SNX29: variants seen among roughly 807,000 people sequenced by gnomAD.
SNX29 encodes the protein sorting nexin 29.
In SNX29, 78 loss-of-function variants were observed where a neutral mutation model predicts 102.1. The ratio of observed to expected loss-of-function variants is 0.76; its 90% CI spans 0.64 to 0.92. The LOEUF (loss-of-function observed/expected upper bound fraction) is 0.92. SNX29 is among the 40% of genes least tolerant of loss of function. SNX29 has a pLI of 0.00. For synonymous variants in SNX29, 580 were observed against 414.5 expected (o/e 1.40, Z -4.85); for missense variants, 1,280 against 1,061.7 (o/e 1.21, Z -2.86).
At chr16:12,400,601 C>G (rs903234214) in intron 17 of SNX29, among the ~76,000 whole-genome samples, 2 of 152,230 alleles carry the variant, frequency 1.3e-5, no homozygotes, top group East Asian at 3.8e-4. Context: ...GAAGCCTTCT[C>G]TGGTGTCCCA....
chr16:12,049,667 TAAAA>T (rs2050226603), intron 7 of SNX29, among the ~76,000 whole-genome samples: 1 of 151,946 alleles, frequency 6.6e-6, no homozygotes, highest in Non-Finnish European at 1.5e-5. Flanking sequence ...AAATTAAATA[TAAAA>T]AAAGAAAGTT....
At chr16:12,560,515 C>T (rs8044240) in intron 20 of SNX29, among the ~76,000 whole-genome samples, 1 of 152,040 alleles carries the variant, frequency 6.6e-6, no homozygotes, top group Admixed American at 6.5e-5. Flanking sequence ...GTCCTGCCCT[C>T]CACCTTCCAA....
At chr16:12,320,826 G>A (rs1025498975) in intron 15 of SNX29, among the ~76,000 whole-genome samples, 2 of 152,192 alleles carry the variant, frequency 1.3e-5, no homozygotes, top group Non-Finnish European at 2.9e-5. Context: ...CAATTCTTTA[G>A]ATGAAAAGGC....
At chr16:12,545,255 A>C (rs1159984249) in intron 20 of SNX29, among the ~76,000 whole-genome samples, 11 of 152,258 alleles carry the variant, frequency 7.2e-5, no homozygotes. Context: ...AAGTGGCTCC[A>C]AAGAGTACTG....
chr16:12,462,048 T>TAGAC (rs1567588303), intron 18 of SNX29, among the ~76,000 whole-genome samples: 4 of 116,118 alleles, frequency 3.4e-5, no homozygotes, highest in African/African-American at 1.6e-4. Context: ...CACACACTCT[T>TAGAC]ATATATGAGA....
chr16:12,382,765 CG>C (rs2083216997), intron 16 of SNX29, among the ~76,000 whole-genome samples: 1 of 152,274 alleles, frequency 6.6e-6, no homozygotes, highest in East Asian at 1.9e-4. Context: ...CTTCTAGCCT[CG>C]GGTGGCTCCA....
At chr16:11,986,374 T>TAAA (rs33924503) in intron 1 of SNX29, among the ~76,000 whole-genome samples, 9 of 131,082 alleles carry the variant, frequency 6.9e-5, no homozygotes, top group Non-Finnish European at 1.1e-4. Context: ...TCCTACAACT[T>TAAA]AAAAAAAAAA....
chr16:12,372,156 C>G (rs557846465), intron 16 of SNX29, among the ~76,000 whole-genome samples: 11 of 152,292 alleles, frequency 7.2e-5, no homozygotes, highest in African/African-American at 2.6e-4. Flanking sequence ...ACACACATGC[C>G]TAACGCACAT....
intron 19 of SNX29, among the ~76,000 whole-genome samples, chr16:12,485,231 A>T (rs917237718): frequency 1.3e-5 from 2 of 152,196 alleles, no homozygotes; most frequent in African/African-American, 4.8e-5. Context: ...TAATGGTCTG[A>T]GGGAGTTGAC....
rs905881376 is a variant in SNX29, at chr16:12,572,610, C to T, written c.*3981C>T. ...GGCTCCCAGTGAGCCCCCTCCCCTC[C>T]GGCTACCCCCAGAATCCATCCTTCA... On this transcript the variant is annotated 3_prime_UTR_variant, in exon 21 of 21. Coordinates refer to ENST00000566228, the MANE Select transcript of SNX29 (RefSeq NM_032167.5). 51 of 1,063,988 alleles carry T rather than the reference C, an allele frequency of 4.8e-5. No individual in the cohort carries two copies. Among genetic ancestry groups the T allele is most frequent in the South Asian group, 1.4e-4 (3 of 21,968 alleles). 65.9% of individuals were successfully genotyped at this position (1,063,988 alleles called of 1,614,324 possible). A position where few individuals can be genotyped will look rare whatever the true frequency, so the allele number is the denominator to read the frequency against.
chr16:12,130,088 A>G (rs911239644), intron 13 of SNX29, among the ~76,000 whole-genome samples: 4 of 151,514 alleles, frequency 2.6e-5, no homozygotes, highest in Non-Finnish European at 5.9e-5. Flanking sequence ...TGGGTGACAG[A>G]GCAAGACTCT....
At chr16:12,543,271 G>T (rs11640817) in intron 20 of SNX29, among the ~76,000 whole-genome samples, 2 of 152,146 alleles carry the variant, frequency 1.3e-5, no homozygotes, top group African/African-American at 2.4e-5. Context: ...GGTCATCAGC[G>T]CATGCATCTG....
chr16:11,983,896 T>C (rs1418251948), intron 1 of SNX29, among the ~76,000 whole-genome samples: 1 of 151,950 alleles, frequency 6.6e-6, no homozygotes, highest in Non-Finnish European at 1.5e-5. Context: ...CCCAAGGGGG[T>C]GAACACTGGT....
intron 15 of SNX29, among the ~76,000 whole-genome samples, chr16:12,351,564 G>C (rs1442858514): frequency 6.6e-6 from 1 of 152,154 alleles, no homozygotes; most frequent in East Asian, 1.9e-4. Context: ...TGATATGAAA[G>C]GAAATGCCAG....
intron 13 of SNX29, among the ~76,000 whole-genome samples, chr16:12,136,269 C>T (rs180892789): frequency 6.6e-5 from 10 of 152,336 alleles, no homozygotes; most frequent in East Asian, 5.8e-4. Flanking sequence ...TCCTTCCTCC[C>T]GTGCAGTGGC....
In SNX29 at chr16:12,399,585, A is replaced by T. The variant is rs543708151; in HGVS notation, c.1955+1084A>T. 3.9e-5 allele frequency among the ~76,000 whole-genome samples: 6 copies of T among 152,336 alleles called. No individual in the cohort carries two copies. The South Asian group carries it at 1.2e-3, about 32-fold the overall frequency. On this transcript the variant is annotated intron_variant, in intron 17 of 20. Transcript: ENST00000566228. ...TGAAATCTCAGGCATCAGTCCAGCC[A>T]TTTGACCTCACTGGGCCTCACTTTC...
intron 15 of SNX29, among the ~76,000 whole-genome samples, chr16:12,301,880 T>C (rs1048312264): frequency 2.0e-5 from 3 of 152,230 alleles, no homozygotes; most frequent in Non-Finnish European, 2.9e-5. Flanking sequence ...TCATCCCGAA[T>C]ACACTTGATA....
chr16:12,241,578 C>T (rs891245807), intron 14 of SNX29, among the ~76,000 whole-genome samples: 13 of 152,090 alleles, frequency 8.5e-5, no homozygotes, highest in Admixed American at 4.6e-4. Flanking sequence ...TCCTGCCTGT[C>T]AGTCTCCTGG....
intron 20 of SNX29, among the ~76,000 whole-genome samples, chr16:12,537,771 A>G (rs2077141058): frequency 1.3e-5 from 2 of 152,176 alleles, no homozygotes; most frequent in East Asian, 1.9e-4. Context: ...GTTTGTTTAA[A>G]CAAAAAAAAG....
Sources: allele counts gnomAD v4.1 joint callset (sites outside exome capture counted in the v4.1 genomes callset), GRCh38; gene constraint gnomAD v4.1.1; transcripts MANE v1.5; gene names NCBI Gene and HGNC (gene_info 2026-07-23, HGNC 2026-07-21).